The following MAP3K5 variants were observed in gnomAD, a reference collection of about 807,000 sequenced individuals.
MAP3K5 encodes mitogen-activated protein kinase kinase kinase 5.
In MAP3K5, 56 loss-of-function variants were observed where a neutral mutation model predicts 158.7. That is an observed-to-expected ratio of 0.35 (90% CI 0.28 to 0.44). The LOEUF is 0.44. MAP3K5 is among the 20% of genes least tolerant of loss of function. The pLI is 1.00. For synonymous variants in MAP3K5, 579 were observed against 601.7 expected, an observed-to-expected ratio of 0.96 and a Z score of 0.55; for missense variants, 1,294 against 1,674.8, an observed-to-expected ratio of 0.77 and a Z score of 3.97.
At chr6:136,624,972 C>CGTAT (rs1182074288) in intron 14 of MAP3K5, among the ~76,000 whole-genome samples, 1 of 152,144 alleles carries the variant, frequency 6.6e-6, no homozygotes, top group Non-Finnish European at 1.5e-5. Context: ...ATAAAACAGA[C>CGTAT]ATACTTTTAA....
intron 25 of MAP3K5, chr6:136,579,778 GAA>G: frequency 2.2e-6 from 1 of 455,334 alleles, no homozygotes; most frequent in Admixed American, 2.4e-5. Flanking sequence ...ATTTTGCTGT[GAA>G]TCTTAAACTG....
In MAP3K5 at chr6:136,687,029, C is replaced by T. The variant is rs549229703; in HGVS notation, c.1253+7111G>A. ...TGCTACCTGACTTCAAACTATACTACAAGGCTACAGTAACCAAAACATCAT... is the reference window on the plus strand; with the variant it reads ...TGCTACCTGACTTCAAACTATACTATAAGGCTACAGTAACCAAAACATCAT... On this transcript the variant is annotated intron_variant, in intron 7 of 29. Coordinates refer to ENST00000359015, the MANE Select transcript of MAP3K5 (RefSeq NM_005923.4). Among the ~76,000 whole-genome samples, 697 of 152,266 alleles carry T rather than the reference C, an allele frequency of 4.6e-3. 2 individuals carry two copies. The highest frequency in any genetic ancestry group is 7.1e-3 in the Non-Finnish European group (483 of 68,008).
At chr6:136,665,836 T>C (rs1779207808) in intron 8 of MAP3K5, among the ~76,000 whole-genome samples, 1 of 152,216 alleles carries the variant, frequency 6.6e-6, no homozygotes, top group Admixed American at 6.5e-5. Flanking sequence ...TCTCTATTGA[T>C]TCATGGATTT....
At chr6:136,720,719 T>A (rs1781713913) in intron 1 of MAP3K5, 130 bp from the exon 2 acceptor site, 2 of 687,912 alleles carry the variant, frequency 2.9e-6, no homozygotes, top group East Asian at 5.8e-5. Flanking sequence ...TCTCTTCATT[T>A]ATCACTGAAT....
At chr6:136,724,305 G>A (rs1490704048) in intron 1 of MAP3K5, among the ~76,000 whole-genome samples, 1 of 149,826 alleles carries the variant, frequency 6.7e-6, no homozygotes, top group Non-Finnish European at 1.5e-5. Flanking sequence ...CTGGAGTGCA[G>A]GGGCACAACC....
chr6:136,635,723 A>G (rs7755282), intron 14 of MAP3K5, among the ~76,000 whole-genome samples: 41 of 74,764 alleles, frequency 5.5e-4, no homozygotes, highest in African/African-American at 2.2e-3. Context: ...TCCCGTCTCC[A>G]CCAAAAAAAA....
At chr6:136,713,377 G>T (rs558032766) in intron 2 of MAP3K5, among the ~76,000 whole-genome samples, 1 of 152,316 alleles carries the variant, frequency 6.6e-6, no homozygotes, top group East Asian at 1.9e-4. Flanking sequence ...AGAGGTATCA[G>T]GAAGGAGAAA....
chr6:136,744,201 T>C (rs967777324), intron 1 of MAP3K5, among the ~76,000 whole-genome samples: 9 of 152,040 alleles, frequency 5.9e-5, no homozygotes, highest in African/African-American at 1.9e-4. Flanking sequence ...GGTTCACCAA[T>C]TGTAACAAAT....
chr6:136,641,806 G>A (rs1002242387), intron 12 of MAP3K5, among the ~76,000 whole-genome samples: 2 of 151,248 alleles, frequency 1.3e-5, no homozygotes, highest in Non-Finnish European at 2.9e-5. Context: ...CGGCCAACAC[G>A]GTGAAACCCT....
rs117133270 is a variant in MAP3K5, at chr6:136,734,743, A to G, written c.449-14154T>C. 2.1e-3 allele frequency among the ~76,000 whole-genome samples: 324 copies of G among 152,240 alleles called. 6 individuals carry two copies. The South Asian group carries it at 0.032, about 15-fold the overall frequency. On this transcript the variant is annotated intron_variant, in intron 1 of 29. Transcript: ENST00000359015. ...TTTGTTTTTTTGGTCTCTCATATTT[A>G]GTTTTAATTAAACCATCAAAGCTTC...
intron 2 of MAP3K5, among the ~76,000 whole-genome samples, chr6:136,708,750 A>G (rs1407859562): frequency 6.6e-6 from 1 of 152,198 alleles, no homozygotes; most frequent in African/African-American, 2.4e-5. Context: ...ACACACAGAA[A>G]TGGCTCACGA....
At position 136,791,738 on chromosome 6, in the gene MAP3K5, G is replaced by A. The variant is rs1371633637; in HGVS notation, c.420C>T (p.Thr140=). ...CATTGTAAAAGCGGTCCAGCACGGT[G>A]GTTTCTCCAAAGTCGAGTTTCCCAA... ...LHFGKLDFGE[T]TVLDRFYNAD... The change falls in exon 1 of 30, where the codon ACC becomes ACT. Residue 140 remains threonine (T), a synonymous_variant. Transcript: ENST00000359015. 3.1e-6 allele frequency: 5 copies of A among 1,613,358 alleles called. No individual in the cohort carries two copies. In the South Asian group the frequency reaches 3.3e-5, roughly 11 times the overall value.
intron 25 of MAP3K5, among the ~76,000 whole-genome samples, chr6:136,571,296 G>A (rs1774352960): frequency 6.6e-6 from 1 of 152,080 alleles, no homozygotes; most frequent in Non-Finnish European, 1.5e-5. Flanking sequence ...CTTGGTCACG[G>A]GACAAGAACC....
At chr6:136,765,403 C>T (rs746722400) in intron 1 of MAP3K5, among the ~76,000 whole-genome samples, 1 of 152,180 alleles carries the variant, frequency 6.6e-6, no homozygotes, top group Non-Finnish European at 1.5e-5. Flanking sequence ...CTCAGGACAT[C>T]CTCCCACCTC....
intron 25 of MAP3K5, 49 bp from the exon 26 acceptor site, chr6:136,567,923 C>T: frequency 6.3e-7 from 1 of 1,579,432 alleles, no homozygotes; most frequent in South Asian, 1.2e-5. Context: ...TGACTCATTG[C>T]CTTAATTTCT....
intron 15 of MAP3K5, among the ~76,000 whole-genome samples, chr6:136,622,514 C>T (rs188525675): frequency 5.6e-4 from 85 of 152,342 alleles, no homozygotes; most frequent in Middle Eastern, 3.4e-3. Flanking sequence ...TCCTCACATG[C>T]CCGACTGGAA....
At chr6:136,598,843 A>G (rs1195362951) in intron 21 of MAP3K5, among the ~76,000 whole-genome samples, 3 of 152,162 alleles carry the variant, frequency 2.0e-5, no homozygotes, top group East Asian at 3.9e-4. Flanking sequence ...TTCAATTGAC[A>G]TGAGGCAGGC....
At position 136,697,171 on chromosome 6, in the gene MAP3K5, C is replaced by A. The variant is rs145645336; in HGVS notation, c.975+48G>T. 4,103 of 1,528,530 alleles carry A rather than the reference C, an allele frequency of 2.7e-3. 147 individuals carry two copies. In the Admixed American group the frequency reaches 0.065, roughly 24 times the overall value. 94.7% of individuals were successfully genotyped at this position (1,528,530 alleles called of 1,614,324 possible). On this transcript the variant is annotated intron_variant, in intron 5 of 29. Coordinates refer to ENST00000359015, the MANE Select transcript of MAP3K5 (RefSeq NM_005923.4). ...AATTTGAGGTTAATACTCCCTTATC[C>A]CTCCAACATGCTACACAACAAAGAT... is the stretch of plus-strand genomic sequence containing the variant.
At chr6:136,616,869 C>T (rs911352608) in intron 15 of MAP3K5, among the ~76,000 whole-genome samples, 1 of 152,026 alleles carries the variant, frequency 6.6e-6, no homozygotes, top group African/African-American at 2.4e-5. Context: ...GCTGTGACTA[C>T]AGGCATGCAC....
Sources: allele counts gnomAD v4.1 joint callset (sites outside exome capture counted in the v4.1 genomes callset), GRCh38; gene constraint gnomAD v4.1.1; transcripts MANE v1.5; gene names NCBI Gene and HGNC (gene_info 2026-07-23, HGNC 2026-07-21).